The following CTCF variants were observed in gnomAD, a reference collection of about 807,000 sequenced individuals.
CTCF encodes transcriptional repressor CTCF.
Under a neutral mutation model 72.3 loss-of-function variants are expected in CTCF, and 7 were observed. The ratio of observed to expected loss-of-function variants is 0.10; its 90% CI spans 0.06 to 0.18. The LOEUF (loss-of-function observed/expected upper bound fraction) is 0.18, where lower values mean the gene tolerates loss of function less well. Among genes scored for constraint, CTCF ranks in the 10% least tolerant of loss-of-function variants. The pLI is 1.00. For synonymous variants in CTCF, 374 were observed against 315.8 expected, an observed-to-expected ratio of 1.18 and a Z score of -1.95; for missense variants, 516 against 949.1, an observed-to-expected ratio of 0.54 and a Z score of 6.00.
chr16:67,610,190 C>T (rs939647943), intron 2 of CTCF, among the ~76,000 whole-genome samples: 2 of 152,044 alleles, frequency 1.3e-5, no homozygotes, highest in Non-Finnish European at 2.9e-5. Flanking sequence ...TGCAGTGTTT[C>T]CCTCGGTATG....
At chr16:67,601,340 TTG>T (rs2051888978) in intron 2 of CTCF, among the ~76,000 whole-genome samples, 1 of 131,756 alleles carries the variant, frequency 7.6e-6, no homozygotes. Context: ...TGTGTGTGTT[TTG>T]TTTTGTTTTT....
intron 2 of CTCF, among the ~76,000 whole-genome samples, chr16:67,573,766 C>T (rs2051457701): frequency 6.6e-6 from 1 of 152,232 alleles, no homozygotes; most frequent in Middle Eastern, 3.4e-3. Flanking sequence ...GGCCCAGTGG[C>T]TCATGCCTGT....
rs1275389821 is a variant in CTCF, at chr16:67,597,290, C to A, written c.-9-13534C>A. Reference sequence around the variant, plus strand: ...GGCTCAAGCGATCTGCTGGCCTTGGCCTCTCAGTGTTTGAATTACAGGCGT... The same window carrying A: ...GGCTCAAGCGATCTGCTGGCCTTGGACTCTCAGTGTTTGAATTACAGGCGT... On this transcript the variant is annotated intron_variant, in intron 2 of 11. Transcript: ENST00000264010. Among the ~76,000 whole-genome samples the A allele has an allele frequency of 5.9e-5, 9 of 152,174 alleles. 1 individual carries two copies. The highest frequency in any genetic ancestry group is 3.9e-4 in the East Asian group (2 of 5,174).
At position 67,610,966 on chromosome 16, in the gene CTCF, C is replaced by G. The variant is rs753730952; in HGVS notation, c.134C>G (p.Thr45Arg). ...GCCTGCCACTTACCCCAGAACCAGA[C>G]GGATGGGGGTGAGGTGGTCCAGGAT... ...EDACHLPQNQ[T>R]DGGEVVQDVN... The change falls in exon 3 of 12, where the codon ACG becomes AGG. Residue 45 changes from threonine to arginine, a missense_variant. Thr to Arg is a moderately conservative substitution (Grantham distance 71). This residue lies in a region of CTCF where 148 missense variants were observed against 194.9 expected (regional missense o/e 0.76). Transcript: ENST00000264010. The G allele has an allele frequency of 6.3e-7, 1 of 1,593,428 alleles. No individual in the cohort carries two copies. The highest frequency in any genetic ancestry group is 1.1e-5 in the South Asian group (1 of 89,846).
chr16:67,636,057 C>T (rs1245053635), intron 10 of CTCF, among the ~76,000 whole-genome samples: 1 of 152,106 alleles, frequency 6.6e-6, no homozygotes, highest in Non-Finnish European at 1.5e-5. Context: ...CATGGCGAAA[C>T]CCCATCTCTA....
At chr16:67,629,611 G>A in intron 10 of CTCF, 78 bp downstream of exon 10, 1 of 1,487,092 alleles carries the variant, frequency 6.7e-7, no homozygotes, top group Non-Finnish European at 9.2e-7. Flanking sequence ...GTATGGATAT[G>A]CTGGGATATA....
intron 2 of CTCF, among the ~76,000 whole-genome samples, chr16:67,605,547 C>G (rs2051962424): frequency 1.3e-5 from 2 of 152,146 alleles, no homozygotes; most frequent in South Asian, 4.1e-4. Context: ...GGGAGTTTAC[C>G]TTGAGCCTTG....
At chr16:67,582,983 CTTTTTTT>C (rs550423023) in intron 2 of CTCF, among the ~76,000 whole-genome samples, 3 of 136,038 alleles carry the variant, frequency 2.2e-5, no homozygotes, top group East Asian at 4.2e-4. Flanking sequence ...TCTTATTTTT[CTTTTTTT>C]TTTTTTTTGA....
intron 2 of CTCF, among the ~76,000 whole-genome samples, chr16:67,596,331 T>C (rs1440639111): frequency 6.6e-6 from 1 of 152,222 alleles, no homozygotes; most frequent in Non-Finnish European, 1.5e-5. Flanking sequence ...GCATTTCTTT[T>C]ACTATTAATG....
chr16:67,633,810 A>T (rs1445619679), intron 10 of CTCF, among the ~76,000 whole-genome samples: 1 of 151,796 alleles, frequency 6.6e-6, no homozygotes, highest in East Asian at 1.9e-4. Context: ...ACACACACAC[A>T]CACACTCTCA....
intron 10 of CTCF, among the ~76,000 whole-genome samples, chr16:67,631,130 T>A (rs2052355895): frequency 6.6e-6 from 1 of 151,690 alleles, no homozygotes; most frequent in Non-Finnish European, 1.5e-5. Flanking sequence ...AGTGACTTTA[T>A]TGGGCTTTTT....
intron 2 of CTCF, among the ~76,000 whole-genome samples, chr16:67,596,615 C>T (rs752940009): frequency 4.0e-5 from 6 of 151,888 alleles, no homozygotes; most frequent in African/African-American, 1.2e-4. Flanking sequence ...GACAGAGTCT[C>T]GCCCTGTCAC....
At chr16:67,564,030 C>CT (rs1470735092) in intron 1 of CTCF, 2 of 152,212 alleles carry the variant, frequency 1.3e-5, no homozygotes, top group Non-Finnish European at 2.9e-5. Flanking sequence ...TAGTAGGAGA[C>CT]TTCCTGTAGC....
At chr16:67,582,702 AATTAAATAAAAT>A (rs1301695834) in intron 2 of CTCF, among the ~76,000 whole-genome samples, 5 of 152,052 alleles carry the variant, frequency 3.3e-5, no homozygotes, top group Admixed American at 6.6e-5. Context: ...CAAAAAAATA[AATTAAATAAAAT>A]ATGAACATTG....
At chr16:67,608,241 G>A (rs921605482) in intron 2 of CTCF, among the ~76,000 whole-genome samples, 11 of 148,408 alleles carry the variant, frequency 7.4e-5, no homozygotes, top group African/African-American at 2.0e-4. Context: ...GGAGAATGGC[G>A]TGAACCTGGG....
chr16:67,582,750 A>G (rs1481033908), intron 2 of CTCF, among the ~76,000 whole-genome samples: 1 of 152,068 alleles, frequency 6.6e-6, no homozygotes, highest in Non-Finnish European at 1.5e-5. Context: ...TTTATTGTAA[A>G]TTTGAGTGCA....
rs2142866490 is a variant in CTCF, at chr16:67,628,361, C to T, written c.1519-9C>T. On this transcript the variant is annotated splice_polypyrimidine_tract_variant and intron_variant, in intron 8 of 11. Transcript: ENST00000264010. ...AGGCTCTGAGGCCTTTCCCCCTATG[C>T]CGTTTCAGGAGAGGCACATGATCAT... 5 of 1,611,358 alleles carry T rather than the reference C, an allele frequency of 3.1e-6. No individual in the cohort carries two copies. Among genetic ancestry groups the T allele is most frequent in the Non-Finnish European group, 4.2e-6 (5 of 1,177,760 alleles).
At chr16:67,624,107 G>GTGTGTA (rs1555535497) in intron 7 of CTCF, among the ~76,000 whole-genome samples, 3 of 138,704 alleles carry the variant, frequency 2.2e-5, no homozygotes, top group South Asian at 2.2e-4. Context: ...GTGTGTGTGT[G>GTGTGTA]TGTGTGTGTA....
chr16:67,565,509 C>T (rs2051331931), intron 1 of CTCF, among the ~76,000 whole-genome samples: 1 of 151,428 alleles, frequency 6.6e-6, no homozygotes, highest in African/African-American at 2.4e-5. Flanking sequence ...CCTGTCTCTA[C>T]TAAAAATACA....
Sources: gnomAD v4.1 joint callset for allele counts (sites outside exome capture counted in the v4.1 genomes callset) on GRCh38, gnomAD v4.1.1 for gene constraint, gnomAD v4.1.1 regional missense constraint, MANE v1.5 for transcripts, NCBI Gene and HGNC (gene_info 2026-07-23, HGNC 2026-07-21) for gene names.